The following DNAH10 variants were observed in gnomAD, a reference collection of about 807,000 sequenced individuals.
DNAH10 encodes the protein axonemal beta dynein heavy chain 10.
In DNAH10, 348 loss-of-function variants were observed where a neutral mutation model predicts 506.6. The observed-to-expected ratio is 0.69, with a 90% CI of 0.63 to 0.75. The LOEUF is 0.75. Among genes scored for constraint, DNAH10 ranks in the 30% least tolerant of loss-of-function variants. The pLI is 0.00. For missense variants in DNAH10, 5,179 were observed against 5,787.1 expected (o/e 0.89, Z 3.41); for synonymous variants, 2,059 against 2,198.6 (o/e 0.94, Z 1.78).
In DNAH10 at chr12:123,848,854, C is replaced by T. The variant is rs796170808; in HGVS notation, c.6074C>T (p.Ala2025Val). 1 of 1,613,842 alleles carries T rather than the reference C, an allele frequency of 6.2e-7. No individual in the cohort carries two copies. The highest frequency in any genetic ancestry group is 8.5e-7 in the Non-Finnish European group (1 of 1,179,850). Residue 2025 changes from alanine to valine, a missense_variant, in exon 34 of 79, where the codon GCT becomes GTT. This residue lies in a region of DNAH10 where 4,844 missense variants were observed against 5,430.5 expected (regional missense o/e 0.89). Coordinates refer to ENST00000673944, the MANE Select transcript of DNAH10 (RefSeq NM_001372106.1). ...ISSQIQTIRN[A>V]LIHQLTTFQF... ...TCCCAGATCCAGACGATCCGAAATG[C>T]TCTGATCCATCAGTTAACCACGTTC...
intron 57 of DNAH10, among the ~76,000 whole-genome samples, chr12:123,906,899 G>T (rs892226678): frequency 6.6e-6 from 1 of 152,230 alleles, no homozygotes; most frequent in African/African-American, 2.4e-5. Flanking sequence ...AAGATGAAGA[G>T]TCATGAAGAT....
At chr12:123,871,313 T>C (rs1285692903) in intron 44 of DNAH10, 144 bp from the exon 45 acceptor site, 5 of 940,044 alleles carry the variant, frequency 5.3e-6, no homozygotes, top group African/African-American at 1.7e-5. Flanking sequence ...TACACTTCAA[T>C]GGGTGAATGT....
At position 123,925,821 on chromosome 12, in the gene DNAH10, G is replaced by A. The variant is rs1340294076; in HGVS notation, c.11921+617G>A. 1 of 152,284 alleles carries A rather than the reference G, an allele frequency of 6.6e-6. No individual in the cohort carries two copies. The highest frequency in any genetic ancestry group is 2.1e-4 in the South Asian group (1 of 4,834). The allele number at this position is 152,284 out of a possible 1,614,324, so 9.4% of individuals were successfully genotyped here. ...CTTAGCTCCTGCTGACTGATACCAG[G>A]TGCCATTGGGAACCCACAGTGGCTG... On this transcript the variant is annotated intron_variant, in intron 68 of 78. Transcript: ENST00000673944. This position sits in a 1 kb window ranked among gnomAD's most constrained non-coding sequence, Gnocchi z 4.0.
Position 123,928,447 on chromosome 12 carries a change from T to G in DNAH10, c.12166T>G (p.Cys4056Gly), listed in dbSNP as rs1955042017. Reference sequence around the variant, plus strand: ...GGGGCAGTGGCTGATGCTGCAGAACTGCCACCTCCTGGTCAAGTGGCTGAA... The same window carrying G: ...GGGGCAGTGGCTGATGCTGCAGAACGGCCACCTCCTGGTCAAGTGGCTGAA... ...ARGQWLMLQN[C>G]HLLVKWLKDL... Residue 4056 changes from cysteine (C) to glycine (G), a missense_variant, in exon 70 of 79, where the codon TGC becomes GGC. Physicochemically the swap from Cys to Gly is radical, Grantham distance 159 (BLOSUM62 -3). This residue lies in a region of DNAH10 where 4,844 missense variants were observed against 5,430.5 expected (regional missense o/e 0.89). Transcript: ENST00000673944. The surrounding 1 kb of genome is among the most constrained non-coding windows in gnomAD (Gnocchi z 4.9). The G allele has an allele frequency of 6.2e-7, 1 of 1,609,112 alleles. No individual in the cohort carries two copies. Among genetic ancestry groups the G allele is most frequent in the South Asian group, 1.1e-5 (1 of 90,032 alleles).
chr12:123,839,008 C>T (rs1950669806), intron 29 of DNAH10, among the ~76,000 whole-genome samples: 1 of 152,014 alleles, frequency 6.6e-6, no homozygotes, highest in Non-Finnish European at 1.5e-5. Flanking sequence ...GAGATGAGGT[C>T]TCACTGTGTT....
rs761928291 is a variant in DNAH10 at position 123,783,174 on chromosome 12, G to A, written c.909G>A (p.Pro303=). 29 of 1,614,032 alleles carry A rather than the reference G, an allele frequency of 1.8e-5. 1 individual carries two copies. The highest frequency in any genetic ancestry group is 1.5e-4 in the Admixed American group (9 of 59,994). The part of the protein sequence containing the change: ...EGEVSDLAAD[P]ETVDILEQCV... The stretch of plus-strand genomic sequence containing the variant: ...AGGTGTCTGACCTGGCAGCTGACCC[G>A]GAAACCGTTGACATCTTGGAGCAGT... The change falls in exon 7 of 79, where the codon CCG becomes CCA. Residue 303 remains proline, a synonymous_variant. Transcript: ENST00000673944.
intron 56 of DNAH10, among the ~76,000 whole-genome samples, chr12:123,900,139 C>T (rs1382423178): frequency 1.3e-5 from 2 of 152,228 alleles, no homozygotes; most frequent in African/African-American, 4.8e-5. Context: ...CCACTTCTTT[C>T]TTCCTGTCCA....
chr12:123,780,162 TCTC>T (rs1957591327), intron 5 of DNAH10, among the ~76,000 whole-genome samples: 2 of 138,028 alleles, frequency 1.4e-5, no homozygotes, highest in Admixed American at 1.4e-4. Context: ...TCTCTCTCTC[TCTC>T]TCTCTCTCTC....
rs2136993350 is a variant in DNAH10 at position 123,873,614 on chromosome 12, T to A, written c.7842T>A (p.Asn2614Lys). 6.2e-7 allele frequency: 1 copy of A among 1,613,838 alleles called. No homozygotes were observed. Among genetic ancestry groups the A allele is most frequent in the South Asian group, 1.1e-5 (1 of 91,052 alleles). The part of the protein sequence containing the change: ...SRTTSMDIQR[N>K]LEANVEKRTK... ...CCACGTCCATGGATATCCAAAGAAA[T>A]TTAGAAGCAAATGTGGAAAAGCGAA... is the stretch of plus-strand genomic sequence containing the variant. The change falls in exon 46 of 79, where the codon AAT becomes AAA. Residue 2614 changes from asparagine to lysine, a missense_variant. By Grantham distance (94) the Asn-to-Lys change is moderately conservative. Coordinates refer to ENST00000673944, the MANE Select transcript of DNAH10 (RefSeq NM_001372106.1).
chr12:123,914,663 T>C, intron 61 of DNAH10, 113 bp downstream of exon 61: 1 of 1,404,028 alleles, frequency 7.1e-7, no homozygotes, highest in African/African-American at 1.4e-5. Context: ...AGGACCACAG[T>C]TGGCTCGACT....
At chr12:123,933,303 C>G (rs760487965) in intron 76 of DNAH10, 28 bp from the exon 77 acceptor site, 1 of 1,460,452 alleles carries the variant, frequency 6.8e-7, no homozygotes, top group Admixed American at 2.4e-5. Flanking sequence ...GCCCCAGGCT[C>G]CCAGCACTTG....
chr12:123,806,719 C>G (rs1256597789), intron 18 of DNAH10, among the ~76,000 whole-genome samples: 1 of 151,760 alleles, frequency 6.6e-6, no homozygotes, highest in African/African-American at 2.4e-5. Context: ...CTAAAGCAGT[C>G]CCTTACATGG....
At chr12:123,809,458 C>T (rs1283861270) in intron 19 of DNAH10, among the ~76,000 whole-genome samples, 3 of 152,058 alleles carry the variant, frequency 2.0e-5, no homozygotes. Context: ...CCAGCCTGTG[C>T]AACATGGTGA....
intron 24 of DNAH10, among the ~76,000 whole-genome samples, chr12:123,826,339 C>G (rs375963973): frequency 6.6e-6 from 1 of 152,086 alleles, no homozygotes; most frequent in African/African-American, 2.4e-5. Context: ...TATGACAGCA[C>G]CTGAATGAAG....
rs1951125997 is a variant in DNAH10, at chr12:123,850,774, A to T, written c.6103-114A>T. On this transcript the variant is annotated intron_variant, in intron 34 of 78. Transcript: ENST00000673944. This position sits in a 1 kb window ranked among gnomAD's most constrained non-coding sequence, Gnocchi z 5.5. ...GGAAAAAGAGACAAGTGGTGTTGTC[A>T]GCCTCATACCATGAAAATGAATCGC... 9.3e-7 allele frequency: 1 copy of T among 1,071,476 alleles called. No individual in the cohort carries two copies. The highest frequency in any genetic ancestry group is 1.6e-5 in the African/African-American group (1 of 62,474). The allele number at this position is 1,071,476 out of a possible 1,614,324, so 66.4% of individuals were successfully genotyped here. A position where few individuals can be genotyped will look rare whatever the true frequency, so the allele number is the denominator to read the frequency against.
rs571972729 is a variant in DNAH10, at chr12:123,928,860, C to G, written c.12306+273C>G. 4.2e-4 allele frequency: 195 copies of G among 465,772 alleles called. 4 individuals are homozygous for G. In the African/African-American group the frequency reaches 4.8e-3, roughly 11 times the overall value. The allele number at this position is 465,772 out of a possible 1,614,324, so 28.9% of individuals were successfully genotyped here. On this transcript the variant is annotated intron_variant, in intron 70 of 78. Transcript: ENST00000673944. The surrounding 1 kb of genome is among the most constrained non-coding windows in gnomAD (Gnocchi z 4.9). ...CTACTTTTCATAAACTTCACGGCCCCCCCCCCCACACACAGCCTGCAGTTC... is the reference window on the plus strand; with the variant it reads ...CTACTTTTCATAAACTTCACGGCCCGCCCCCCCACACACAGCCTGCAGTTC...
Position 123,854,300 on chromosome 12 carries a change from C to T in DNAH10, c.6438+948C>T, listed in dbSNP as rs2136767702. 2.0e-5 allele frequency among the ~76,000 whole-genome samples: 3 copies of T among 152,216 alleles called. No homozygotes were observed. The South Asian group carries it at 6.2e-4, about 32-fold the overall frequency. On this transcript the variant is annotated intron_variant, in intron 36 of 78. Transcript: ENST00000673944. ...CATGCTATTGAGTGGGTCATATCTT[C>T]TGAACTGAAAAACCACCGATGCCAC...
Position 123,932,140 on chromosome 12 carries a change from G to A in DNAH10, c.13296+32G>A, listed in dbSNP as rs372910815. The A allele has an allele frequency of 1.4e-5, 22 of 1,611,590 alleles. No homozygotes were observed. In the East Asian group the frequency reaches 1.8e-4, roughly 13 times the overall value. ...GGCACGTCACCGCCTCCTCTCTGCC[G>A]ATTCAGGTGTCAGCCTAGACTCCTC... On this transcript the variant is annotated intron_variant, in intron 76 of 78. Coordinates refer to ENST00000673944, the MANE Select transcript of DNAH10 (RefSeq NM_001372106.1).
intron 76 of DNAH10, 54 bp from the exon 77 acceptor site, chr12:123,933,277 C>G: frequency 7.3e-7 from 1 of 1,365,462 alleles, no homozygotes; most frequent in Admixed American, 3.3e-5. Context: ...CAGCTTTGAC[C>G]TGGCATTGGA....
Sources: gnomAD v4.1 joint callset for allele counts (sites outside exome capture counted in the v4.1 genomes callset) on GRCh38, gnomAD v4.1.1 for gene constraint, gnomAD v4.1.1 regional missense constraint, Gnocchi (gnomAD v3.1) non-coding constraint, MANE v1.5 for transcripts, NCBI Gene and HGNC (gene_info 2026-07-23, HGNC 2026-07-21) for gene names.